Variants in CADPS2 observed in about 807,000 individuals in gnomAD.
CADPS2 encodes calcium-dependent secretion activator 2.
CADPS2 carries 93 observed loss-of-function variants against 172.5 expected under a neutral mutation model. The ratio of observed to expected loss-of-function variants is 0.54; its 90% CI spans 0.46 to 0.64. The LOEUF (loss-of-function observed/expected upper bound fraction) is 0.64. CADPS2 is among the 30% of genes least tolerant of loss of function. The pLI, the probability that CADPS2 is intolerant of heterozygous loss-of-function variation, is 0.00. For missense variants in CADPS2, 1,420 were observed against 1,565.9 expected (o/e 0.91, Z 1.57); for synonymous variants, 546 against 555.2 (o/e 0.98, Z 0.23).
At chr7:122,806,220 T>A (rs1378786795) in intron 1 of CADPS2, among the ~76,000 whole-genome samples, 1 of 152,206 alleles carries the variant, frequency 6.6e-6, no homozygotes, top group African/African-American at 2.4e-5. Context: ...TCCTTATATC[T>A]CTGAGGATGT....
chr7:122,637,198 T>C (rs1222171554), intron 3 of CADPS2, among the ~76,000 whole-genome samples: 1 of 59,220 alleles, frequency 1.7e-5, no homozygotes, highest in Non-Finnish European at 3.2e-5. Flanking sequence ...TTTTTTTTTT[T>C]TTTTTTTTTT....
At chr7:122,699,190 C>T in intron 2 of CADPS2, 1 of 334,914 alleles carries the variant, frequency 3.0e-6, no homozygotes. Flanking sequence ...CATGCAAGAC[C>T]CAGCAGCCAA....
chr7:122,645,468 T>C (rs1259453593), intron 3 of CADPS2, among the ~76,000 whole-genome samples: 1 of 97,864 alleles, frequency 1.0e-5, no homozygotes, highest in African/African-American at 3.2e-5. Context: ...TATATGTGTA[T>C]ATATGTATAT....
At chr7:122,591,276 T>C (rs187219390) in intron 6 of CADPS2, among the ~76,000 whole-genome samples, 1 of 151,918 alleles carries the variant, frequency 6.6e-6, no homozygotes. Flanking sequence ...ATCCAACTTA[T>C]AAGGAATGTG....
At chr7:122,488,337 G>A (rs1464327583) in intron 11 of CADPS2, among the ~76,000 whole-genome samples, 1 of 152,182 alleles carries the variant, frequency 6.6e-6, no homozygotes, top group Non-Finnish European at 1.5e-5. Context: ...TACCCAATTT[G>A]GCACTTGAAG....
At chr7:122,651,083 A>C (rs1447417777) in intron 3 of CADPS2, among the ~76,000 whole-genome samples, 1 of 151,744 alleles carries the variant, frequency 6.6e-6, no homozygotes, top group Non-Finnish European at 1.5e-5. Context: ...AGAAAAATAT[A>C]CTCCTCCCTA....
intron 9 of CADPS2, among the ~76,000 whole-genome samples, chr7:122,494,718 TA>T (rs1263065964): frequency 2.0e-5 from 3 of 152,054 alleles, no homozygotes; most frequent in Non-Finnish European, 4.4e-5. Context: ...ATAAAAACAT[TA>T]AGCCTTAATG....
chr7:122,334,841 G>A (rs1049320182), intron 28 of CADPS2, among the ~76,000 whole-genome samples: 4 of 152,132 alleles, frequency 2.6e-5, no homozygotes, highest in Non-Finnish European at 5.9e-5. Context: ...ATTTTATGTG[G>A]AAATAAAAAT....
intron 1 of CADPS2, among the ~76,000 whole-genome samples, chr7:122,807,999 T>A (rs1165178599): frequency 6.6e-6 from 1 of 152,332 alleles, no homozygotes; most frequent in East Asian, 1.9e-4. Context: ...CCAGTTCAGA[T>A]AGCTCTAAAC....
At chr7:122,814,070 T>A (rs1800715540) in intron 1 of CADPS2, among the ~76,000 whole-genome samples, 1 of 151,838 alleles carries the variant, frequency 6.6e-6, no homozygotes. Flanking sequence ...CTGAGAAAAA[T>A]TTCAGTAACT....
intron 19 of CADPS2, among the ~76,000 whole-genome samples, chr7:122,410,415 T>C (rs2047161124): frequency 6.7e-6 from 1 of 149,138 alleles, no homozygotes; most frequent in Non-Finnish European, 1.5e-5. Context: ...AATACAAATA[T>C]GTGGCAAGCT....
At chr7:122,645,682 TCTTGGG>T in intron 3 of CADPS2, among the ~76,000 whole-genome samples, 1 of 29,790 alleles carries the variant, frequency 3.4e-5, no homozygotes, top group African/African-American at 1.1e-4. Context: ...TATATATATA[TCTTGGG>T]ATTTTGCTCT....
At chr7:122,735,306 T>A (rs1268872344) in intron 2 of CADPS2, among the ~76,000 whole-genome samples, 1 of 152,116 alleles carries the variant, frequency 6.6e-6, no homozygotes, top group Admixed American at 6.6e-5. Flanking sequence ...ATAAACCGAA[T>A]CTGTCTACAG....
intron 1 of CADPS2, among the ~76,000 whole-genome samples, chr7:122,825,309 A>T (rs910783328): frequency 7.2e-5 from 11 of 152,330 alleles, no homozygotes; most frequent in African/African-American, 2.2e-4. Context: ...CATCAATTGT[A>T]AAAGCAAATA....
At chr7:122,503,620 A>T (rs1217304499) in intron 9 of CADPS2, among the ~76,000 whole-genome samples, 1 of 152,200 alleles carries the variant, frequency 6.6e-6, no homozygotes, top group African/African-American at 2.4e-5. Context: ...GATTAGTCAT[A>T]CTAAACAAAA....
chr7:122,485,875 A>G (rs2057762450), intron 11 of CADPS2, among the ~76,000 whole-genome samples: 1 of 152,178 alleles, frequency 6.6e-6, no homozygotes, highest in African/African-American at 2.4e-5. Context: ...TTTATTAACC[A>G]TTTTGAAAAT....
At position 122,450,600 on chromosome 7, in the gene CADPS2, G is replaced by A. The variant is rs569310480; in HGVS notation, c.2288+774C>T. On this transcript the variant is annotated intron_variant, in intron 15 of 29. Coordinates refer to ENST00000449022, the MANE Select transcript of CADPS2 (RefSeq NM_017954.11). The stretch of plus-strand genomic sequence containing the variant: ...GCTGGAGTGCAGTGGTGTGATCATA[G>A]CTCACTGCAGCCTCGACCTCCCCAG... Among the ~76,000 whole-genome samples the A allele has an allele frequency of 7.6e-5, 10 of 131,780 alleles. No individual in the cohort carries two copies. In the Admixed American group the frequency reaches 8.2e-4, roughly 11 times the overall value. 86.5% of individuals were successfully genotyped at this position (131,780 alleles called of 152,430 possible).
At chr7:122,372,845 TTGGATTAAGGATC>T (rs1285169901) in intron 25 of CADPS2, among the ~76,000 whole-genome samples, 1 of 152,198 alleles carries the variant, frequency 6.6e-6, no homozygotes, top group Non-Finnish European at 1.5e-5. Context: ...GTTAAGTGCA[TTGGATTAAGGATC>T]TGAAGCTCAG....
intron 1 of CADPS2, among the ~76,000 whole-genome samples, chr7:122,811,893 T>C (rs540554049): frequency 6.6e-6 from 1 of 152,274 alleles, no homozygotes; most frequent in African/African-American, 2.4e-5. Flanking sequence ...AACTACTGAT[T>C]AGACAGATCA....
Sources: gnomAD v4.1 joint callset for allele counts (sites outside exome capture counted in the v4.1 genomes callset) on GRCh38, gnomAD v4.1.1 for gene constraint, MANE v1.5 for transcripts, NCBI Gene and HGNC (gene_info 2026-07-23, HGNC 2026-07-21) for gene names.